Variants in ZMYM4 observed in about 807,000 individuals in gnomAD.
ZMYM4 encodes zinc finger MYM-type containing 4.
A neutral mutation model predicts 183.2 loss-of-function variants in ZMYM4; 31 were observed. That is an observed-to-expected ratio of 0.17 (90% CI 0.13 to 0.23). The LOEUF is 0.23. ZMYM4 is among the 10% of genes least tolerant of loss of function. ZMYM4 has a pLI of 1.00. For missense variants in ZMYM4, 1,273 were observed against 1,840.3 expected (o/e 0.69, Z 5.64); for synonymous variants, 592 against 631.2 (o/e 0.94, Z 0.93).
chr1:35,396,547 G>T lies in ZMYM4; in HGVS notation c.2912-5G>T, dbSNP rs1644812399. The T allele has an allele frequency of 3.7e-6, 6 of 1,613,180 alleles. No individual in the cohort carries two copies. Among genetic ancestry groups the T allele is most frequent in the Non-Finnish European group, 5.1e-6 (6 of 1,179,524 alleles). On this transcript the variant is annotated splice_polypyrimidine_tract_variant and splice_region_variant and intron_variant, in intron 18 of 29. Coordinates refer to ENST00000314607, the MANE Select transcript of ZMYM4 (RefSeq NM_005095.3). ...TTTTTGTGATTTTGTTGTTGTTACT[G>T]TTAGAAGACACTCCAAGTCAGCCCC...
At chr1:35,416,178 T>G (rs2149046955) in intron 28 of ZMYM4, among the ~76,000 whole-genome samples, 1 of 152,354 alleles carries the variant, frequency 6.6e-6, no homozygotes, top group African/African-American at 2.4e-5. Context: ...ATACTGCTTT[T>G]GTACACAATA....
intron 2 of ZMYM4, among the ~76,000 whole-genome samples, chr1:35,329,979 G>C (rs1642666482): frequency 2.0e-5 from 3 of 152,170 alleles, no homozygotes; most frequent in Admixed American, 2.0e-4. Context: ...ACTTTGGGAG[G>C]CTGAAGCAAG....
intron 9 of ZMYM4, among the ~76,000 whole-genome samples, 196 bp from the exon 10 acceptor site, chr1:35,385,242 TTACA>T (rs1307157413): frequency 2.0e-5 from 3 of 152,246 alleles, no homozygotes; most frequent in African/African-American, 7.2e-5. Flanking sequence ...TTTAGTTTTA[TTACA>T]TACATGCATC....
chr1:35,391,071 G>A (rs751409752), intron 15 of ZMYM4, among the ~76,000 whole-genome samples: 39 of 152,324 alleles, frequency 2.6e-4, no homozygotes, highest in Middle Eastern at 6.8e-3. Context: ...TGTCGTGGGC[G>A]TGACTAGTTG....
At chr1:35,418,343 T>C (rs1272933801) in intron 28 of ZMYM4, 100 bp from the exon 29 acceptor site, 1 of 1,324,504 alleles carries the variant, frequency 7.5e-7, no homozygotes, top group Non-Finnish European at 1.0e-6. Context: ...AGGGAGGAAA[T>C]GACAAAGTTC....
intron 1 of ZMYM4, among the ~76,000 whole-genome samples, chr1:35,277,631 G>A (rs1639937349): frequency 6.6e-6 from 1 of 152,056 alleles, no homozygotes; most frequent in South Asian, 2.1e-4. Flanking sequence ...TATTTCATTA[G>A]AAGAGTGATT....
chr1:35,397,337 G>T, intron 19 of ZMYM4, 40 bp from the exon 20 acceptor site: 1 of 1,474,896 alleles, frequency 6.8e-7, no homozygotes, highest in African/African-American at 1.4e-5. Context: ...CTACAAACCT[G>T]TTGCCAAAGA....
rs75434164 is a variant in ZMYM4, at chr1:35,383,776, G to A, written c.1570-1666G>A. Among the ~76,000 whole-genome samples, 778 of 152,174 alleles carry A rather than the reference G, an allele frequency of 5.1e-3. 5 individuals are homozygous for A. The highest frequency in any genetic ancestry group is 0.018 in the African/African-American group (741 of 41,524). ...ATTAAATTTTTCATGTATTATATCT[G>A]CTGTGGTAGAGAAAGAACTGGAATT... On this transcript the variant is annotated intron_variant, in intron 9 of 29. Coordinates refer to ENST00000314607, the MANE Select transcript of ZMYM4 (RefSeq NM_005095.3).
intron 15 of ZMYM4, among the ~76,000 whole-genome samples, chr1:35,391,452 A>G (rs1242164892): frequency 6.6e-6 from 1 of 152,230 alleles, no homozygotes; most frequent in East Asian, 1.9e-4. Context: ...TTATTTAAAA[A>G]CAACACTAGT....
chr1:35,296,474 C>T (rs1641015048), intron 1 of ZMYM4, among the ~76,000 whole-genome samples: 1 of 152,108 alleles, frequency 6.6e-6, no homozygotes, highest in Admixed American at 6.5e-5. Context: ...TTCACATGTC[C>T]CTCAGATTTC....
At chr1:35,283,950 A>C (rs1414627016) in intron 1 of ZMYM4, among the ~76,000 whole-genome samples, 3 of 151,472 alleles carry the variant, frequency 2.0e-5, no homozygotes, top group Non-Finnish European at 2.9e-5. Flanking sequence ...AGTGGCCTTG[A>C]TGCACAAAAG....
rs528525845 is a variant in ZMYM4 at position 35,354,901 on chromosome 1, G to C, written c.86-4024G>C. Among the ~76,000 whole-genome samples, 15 of 152,112 alleles carry C rather than the reference G, an allele frequency of 9.9e-5. No individual in the cohort carries two copies. In the South Asian group the frequency reaches 2.9e-3, roughly 29 times the overall value. On this transcript the variant is annotated intron_variant, in intron 2 of 29. Coordinates refer to ENST00000314607, the MANE Select transcript of ZMYM4 (RefSeq NM_005095.3). ...GCAAATGTTTTTCTGTTAAGGGCCA[G>C]ATGGTAAATATTTTGGACTTTGCAG...
chr1:35,341,235 C>T (rs895494431), intron 2 of ZMYM4, among the ~76,000 whole-genome samples: 3 of 151,948 alleles, frequency 2.0e-5, no homozygotes, highest in African/African-American at 7.2e-5. Context: ...TTTTGCTTTC[C>T]ATTAAGCCAC....
chr1:35,397,335 C>G (rs759608487), intron 19 of ZMYM4, 42 bp from the exon 20 acceptor site: 3 of 1,466,672 alleles, frequency 2.0e-6, no homozygotes, highest in Non-Finnish European at 2.7e-6. Flanking sequence ...GGCTACAAAC[C>G]TGTTGCCAAA....
At chr1:35,299,322 C>A (rs1641165267) in intron 1 of ZMYM4, among the ~76,000 whole-genome samples, 1 of 151,416 alleles carries the variant, frequency 6.6e-6, no homozygotes, top group South Asian at 2.1e-4. Context: ...AAGAATTGGA[C>A]AAAACACACA....
At chr1:35,405,618 A>T in intron 25 of ZMYM4, 150 bp downstream of exon 25, 1 of 656,340 alleles carries the variant, frequency 1.5e-6, no homozygotes, top group Non-Finnish European at 2.4e-6. Flanking sequence ...GGAGGTTGTT[A>T]TAAGGGTAAG....
chr1:35,408,288 A>G, intron 26 of ZMYM4, 129 bp downstream of exon 26: 1 of 1,209,192 alleles, frequency 8.3e-7, no homozygotes, highest in Non-Finnish European at 1.1e-6. Context: ...ATTGTTTTTA[A>G]CAACAAATTG....
intron 1 of ZMYM4, among the ~76,000 whole-genome samples, chr1:35,319,222 A>G (rs1181352043): frequency 2.0e-5 from 3 of 152,234 alleles, no homozygotes; most frequent in Non-Finnish European, 4.4e-5. Context: ...TTGACAAAAA[A>G]AGATCATGGA....
intron 2 of ZMYM4, among the ~76,000 whole-genome samples, chr1:35,331,367 G>A (rs1642739005): frequency 6.6e-6 from 1 of 152,102 alleles, no homozygotes; most frequent in Admixed American, 6.6e-5. Context: ...AAACTGATCA[G>A]TGATTAGTAT....
Sources: gnomAD v4.1 joint callset for allele counts (sites outside exome capture counted in the v4.1 genomes callset) on GRCh38, gnomAD v4.1.1 for gene constraint, MANE v1.5 for transcripts, NCBI Gene and HGNC (gene_info 2026-07-23, HGNC 2026-07-21) for gene names.